FILIP1L: variants seen among roughly 807,000 people sequenced by gnomAD.
FILIP1L encodes filamin A interacting protein 1 like, also known as filamin A-interacting protein 1-like.
In FILIP1L, 55 loss-of-function variants were observed where a neutral mutation model predicts 96.6. The observed-to-expected ratio is 0.57, with a 90% CI of 0.46 to 0.71. The LOEUF is 0.71. FILIP1L is among the 30% of genes least tolerant of loss of function. The pLI, the probability that FILIP1L is intolerant of heterozygous loss-of-function variation, is 0.00. For synonymous variants in FILIP1L, 467 were observed against 473.9 expected (o/e 0.99, Z 0.19); for missense variants, 1,304 against 1,321.2 (o/e 0.99, Z 0.20).
chr3:99,888,638 A>C (rs905171940), intron 4 of FILIP1L, among the ~76,000 whole-genome samples: 3 of 152,198 alleles, frequency 2.0e-5, no homozygotes, highest in African/African-American at 7.2e-5. Flanking sequence ...TGCTTAACCT[A>C]TCAACAATTT....
intron 1 of FILIP1L, among the ~76,000 whole-genome samples, chr3:100,045,470 G>A (rs941153616): frequency 2.0e-5 from 3 of 152,222 alleles, no homozygotes; most frequent in Middle Eastern, 3.4e-3. Context: ...TCATTGTGCT[G>A]CTGTGTTAGA....
chr3:99,945,587 A>G (rs1270728118), intron 1 of FILIP1L, among the ~76,000 whole-genome samples: 1 of 152,198 alleles, frequency 6.6e-6, no homozygotes, highest in East Asian at 1.9e-4. Context: ...GTTGCTTTGG[A>G]TGTTTTAGCA....
At chr3:100,000,694 G>A (rs964976745) in intron 1 of FILIP1L, among the ~76,000 whole-genome samples, 9 of 152,200 alleles carry the variant, frequency 5.9e-5, no homozygotes, top group Non-Finnish European at 8.8e-5. Flanking sequence ...CAACCTGGGC[G>A]ATAGCGCAAG....
At chr3:99,931,324 A>G (rs1466001702) in intron 1 of FILIP1L, among the ~76,000 whole-genome samples, 1 of 152,198 alleles carries the variant, frequency 6.6e-6, no homozygotes. Flanking sequence ...ATTCCACCTC[A>G]GGAACCCAGG....
chr3:99,983,389 A>AATAAATAAATATAT (rs1302972402), intron 1 of FILIP1L, among the ~76,000 whole-genome samples: 9 of 40,800 alleles, frequency 2.2e-4, no homozygotes, highest in African/African-American at 7.1e-4. Flanking sequence ...TAAATAAATA[A>AATAAATAAATATAT]ATATATATAT....
chr3:99,976,308 A>G (rs919734871), intron 1 of FILIP1L, among the ~76,000 whole-genome samples: 3 of 152,352 alleles, frequency 2.0e-5, no homozygotes, highest in Admixed American at 1.3e-4. Context: ...CCTGCTTATA[A>G]CCAAATAATT....
chr3:100,054,505 A>ATGTT (rs1414823376), intron 1 of FILIP1L, among the ~76,000 whole-genome samples: 1 of 148,920 alleles, frequency 6.7e-6, no homozygotes. Flanking sequence ...ATGTTATGTT[A>ATGTT]TGTTATGTTA....
At position 99,859,051 on chromosome 3, in the gene FILIP1L, A is replaced by G. The variant is rs1440902896; in HGVS notation, c.606-7981T>C. Among the ~76,000 whole-genome samples, 3 of 152,250 alleles carry G rather than the reference A, an allele frequency of 2.0e-5. No individual in the cohort carries two copies. The East Asian group carries it at 5.8e-4, about 29-fold the overall frequency. On this transcript the variant is annotated intron_variant, in intron 4 of 5. Transcript: ENST00000477258. ...TCAAATGTTCTCTCCCAGTCCACAG[A>G]AAAGTCCTAAATGACAAAACTGTTT...
intron 1 of FILIP1L, among the ~76,000 whole-genome samples, chr3:99,960,927 G>A (rs751708433): frequency 6.6e-5 from 10 of 152,178 alleles, no homozygotes; most frequent in Non-Finnish European, 1.5e-4. Context: ...AATGTAAAAA[G>A]AGTCTATTTT....
At chr3:99,955,845 C>T (rs1214344651) in intron 1 of FILIP1L, among the ~76,000 whole-genome samples, 1 of 152,114 alleles carries the variant, frequency 6.6e-6, no homozygotes, top group African/African-American at 2.4e-5. Context: ...CAGATATTCC[C>T]CCTCCAGGAA....
chr3:100,084,096 T>C (rs1026259733), intron 1 of FILIP1L, among the ~76,000 whole-genome samples: 1 of 152,216 alleles, frequency 6.6e-6, no homozygotes, highest in Non-Finnish European at 1.5e-5. Context: ...AGGAGCTCAA[T>C]TTTTAAAATA....
At chr3:99,874,676 T>C (rs1705417725) in intron 4 of FILIP1L, among the ~76,000 whole-genome samples, 1 of 152,192 alleles carries the variant, frequency 6.6e-6, no homozygotes, top group African/African-American at 2.4e-5. Flanking sequence ...TAGGCACCAA[T>C]GTCATATACT....
chr3:100,025,806 C>T lies in FILIP1L; in HGVS notation c.-11+88247G>A, dbSNP rs532272070. On this transcript the variant is annotated intron_variant, in intron 1 of 5. Transcript: ENST00000477258. ...AGAGTTTGAGAAGCTCTGCTGTAGT[C>T]GACCTCCATTTTTTGTTGGTAAGCC... is the stretch of plus-strand genomic sequence containing the variant. Among the ~76,000 whole-genome samples, 5 of 152,194 alleles carry T rather than the reference C, an allele frequency of 3.3e-5. No homozygotes were observed. In the South Asian group the frequency reaches 6.2e-4, roughly 19 times the overall value.
At chr3:99,983,389 A>AATAAATAAATAAAT (rs1302972402) in intron 1 of FILIP1L, among the ~76,000 whole-genome samples, 4 of 40,800 alleles carry the variant, frequency 9.8e-5, no homozygotes, top group African/African-American at 4.1e-4. Context: ...TAAATAAATA[A>AATAAATAAATAAAT]ATATATATAT....
At chr3:99,890,768 G>C (rs1359540613) in intron 4 of FILIP1L, among the ~76,000 whole-genome samples, 4 of 150,964 alleles carry the variant, frequency 2.6e-5, no homozygotes, top group Non-Finnish European at 5.9e-5. Context: ...CTTACATGCT[G>C]TCTGATTATT....
rs1431656390 is a variant in FILIP1L, at chr3:99,968,471, C to T, written c.-10-37441G>A. Among the ~76,000 whole-genome samples, 13 of 151,534 alleles carry T rather than the reference C, an allele frequency of 8.6e-5. No individual in the cohort carries two copies. The East Asian group carries it at 2.3e-3, about 27-fold the overall frequency. ...CTGAATGATATGTTGGGTTTAAGTC[C>T]TTGCAGGCAGGCTATCCAGGTAAAT... On this transcript the variant is annotated intron_variant, in intron 1 of 5. Coordinates refer to ENST00000477258, the MANE Select transcript of FILIP1L (RefSeq NM_001387850.1).
At chr3:100,022,423 A>G (rs567678695) in intron 1 of FILIP1L, among the ~76,000 whole-genome samples, 1 of 152,196 alleles carries the variant, frequency 6.6e-6, no homozygotes, top group African/African-American at 2.4e-5. Context: ...TACAGTATTC[A>G]TTCCATTTCT....
chr3:99,841,089 A>G lies in FILIP1L; in HGVS notation c.3381+7206T>C, dbSNP rs73860474. 3.4e-3 allele frequency among the ~76,000 whole-genome samples: 518 copies of G among 152,336 alleles called. 6 individuals are homozygous for G. Among genetic ancestry groups the G allele is most frequent in the African/African-American group, 0.012 (495 of 41,578 alleles). ...GAGGTACACAGTTTAATGTGTCATGATCAGTGGATTGATCGATTGTGTACA... is the reference window on the plus strand; with the variant it reads ...GAGGTACACAGTTTAATGTGTCATGGTCAGTGGATTGATCGATTGTGTACA... On this transcript the variant is annotated intron_variant, in intron 5 of 5. Coordinates refer to ENST00000477258, the MANE Select transcript of FILIP1L (RefSeq NM_001387850.1).
chr3:99,839,799 GT>G (rs1943051156), intron 5 of FILIP1L, among the ~76,000 whole-genome samples: 2 of 152,168 alleles, frequency 1.3e-5, no homozygotes, highest in South Asian at 4.1e-4. Flanking sequence ...TTCAGTATAG[GT>G]TTTTAAAGTT....
Sources: allele counts gnomAD v4.1 joint callset (sites outside exome capture counted in the v4.1 genomes callset), GRCh38; gene constraint gnomAD v4.1.1; transcripts MANE v1.5; gene names NCBI Gene and HGNC (gene_info 2026-07-23, HGNC 2026-07-21).